The following FRMD5 variants were observed in gnomAD, a reference collection of about 807,000 sequenced individuals.
The protein encoded by FRMD5 is FERM domain containing 5.
In FRMD5, 20 loss-of-function variants were observed where a neutral mutation model predicts 69.0. The ratio of observed to expected loss-of-function variants is 0.29; its 90% CI spans 0.20 to 0.42. The LOEUF is 0.42. Ranked by LOEUF, FRMD5 falls within the 10% of genes least tolerant of loss-of-function variation. FRMD5 has a pLI of 1.00. For missense variants in FRMD5, 595 were observed against 708.6 expected (o/e 0.84, Z 1.82); for synonymous variants, 271 against 260.1 (o/e 1.04, Z -0.40).
chr15:43,901,871 T>TG (rs2089053655), intron 7 of FRMD5: 7 of 345,856 alleles, frequency 2.0e-5, no homozygotes, highest in African/African-American at 4.3e-5. Flanking sequence ...TCGTTCTCTG[T>TG]GGGGGGCCTT....
chr15:43,987,621 C>T (rs1889459337), intron 1 of FRMD5, among the ~76,000 whole-genome samples: 1 of 152,136 alleles, frequency 6.6e-6, no homozygotes, highest in South Asian at 2.1e-4. Context: ...GTGATCTTGG[C>T]TCACTGTAAC....
intron 1 of FRMD5, among the ~76,000 whole-genome samples, chr15:44,148,768 T>G (rs1020556760): frequency 6.6e-6 from 1 of 152,184 alleles, no homozygotes; most frequent in African/African-American, 2.4e-5. Context: ...TAAACATAAC[T>G]CTTTTATGCA....
intron 1 of FRMD5, among the ~76,000 whole-genome samples, chr15:43,978,964 T>A (rs908695227): frequency 5.3e-5 from 8 of 152,200 alleles, no homozygotes; most frequent in African/African-American, 1.9e-4. Context: ...CAAAATACTG[T>A]CTCCTAAATC....
intron 1 of FRMD5, among the ~76,000 whole-genome samples, chr15:43,945,358 T>A (rs532771744): frequency 3.9e-5 from 6 of 152,288 alleles, no homozygotes; most frequent in East Asian, 1.9e-4. Flanking sequence ...TCATTTTTTT[T>A]AAATAAAAAA....
At chr15:43,960,945 A>C (rs1413497401) in intron 1 of FRMD5, among the ~76,000 whole-genome samples, 1 of 152,234 alleles carries the variant, frequency 6.6e-6, no homozygotes, top group East Asian at 1.9e-4. Flanking sequence ...TGTGAAGAGA[A>C]AGCAGGAAAG....
chr15:44,001,440 G>C (rs1477779360), intron 1 of FRMD5, among the ~76,000 whole-genome samples: 1 of 151,758 alleles, frequency 6.6e-6, no homozygotes, highest in African/African-American at 2.4e-5. Flanking sequence ...TGCTTTTGTT[G>C]CCTGTGTTTT....
intron 1 of FRMD5, among the ~76,000 whole-genome samples, chr15:44,128,347 G>A (rs1190661690): frequency 3.3e-5 from 5 of 152,188 alleles, no homozygotes; most frequent in African/African-American, 4.8e-5. Flanking sequence ...GGGCGTGGTG[G>A]CGCAGGCCTG....
chr15:44,111,851 T>TC (rs1432133344), intron 1 of FRMD5, among the ~76,000 whole-genome samples: 2 of 150,746 alleles, frequency 1.3e-5, no homozygotes, highest in African/African-American at 4.9e-5. Context: ...TTCTCTCTTT[T>TC]CCTTTTTTTT....
chr15:44,008,543 G>C (rs1450924843), intron 1 of FRMD5, among the ~76,000 whole-genome samples: 1 of 152,014 alleles, frequency 6.6e-6, no homozygotes, highest in African/African-American at 2.4e-5. Flanking sequence ...TGGGATTACA[G>C]GCATGAACCA....
At chr15:43,933,742 T>G (rs996491264) in intron 1 of FRMD5, among the ~76,000 whole-genome samples, 15 of 152,218 alleles carry the variant, frequency 9.9e-5, no homozygotes, top group African/African-American at 3.4e-4. Flanking sequence ...AATTCTGCCT[T>G]TCATGACAGT....
intron 1 of FRMD5, 98 bp from the exon 2 acceptor site, chr15:43,924,407 T>C (rs998150027): frequency 3.8e-6 from 3 of 799,512 alleles, no homozygotes; most frequent in African/African-American, 3.5e-5. Flanking sequence ...AACTGTTGCA[T>C]GTGTCTATGA....
chr15:43,901,457 G>A (rs576327438), intron 7 of FRMD5, among the ~76,000 whole-genome samples: 4 of 152,288 alleles, frequency 2.6e-5, no homozygotes, highest in African/African-American at 7.2e-5. Context: ...TTTTACTGGT[G>A]ATACTGGACC....
At chr15:44,123,797 T>C (rs1226107773) in intron 1 of FRMD5, among the ~76,000 whole-genome samples, 4 of 152,112 alleles carry the variant, frequency 2.6e-5, no homozygotes, top group Admixed American at 1.3e-4. Context: ...GAAAATACAA[T>C]GTTAGAAATT....
At chr15:44,182,164 C>T (rs575289170) in intron 1 of FRMD5, among the ~76,000 whole-genome samples, 57 of 151,138 alleles carry the variant, frequency 3.8e-4, no homozygotes, top group Non-Finnish European at 7.2e-4. Flanking sequence ...GTGTGCGCCA[C>T]CATGCCTGGC....
At chr15:44,041,945 G>A (rs951023897) in intron 1 of FRMD5, among the ~76,000 whole-genome samples, 6 of 152,042 alleles carry the variant, frequency 3.9e-5, no homozygotes, top group East Asian at 1.9e-4. Context: ...CAGAACTGAG[G>A]GAGATAGAGA....
At chr15:43,895,075 C>T (rs189245311) in intron 7 of FRMD5, among the ~76,000 whole-genome samples, 1 of 152,290 alleles carries the variant, frequency 6.6e-6, no homozygotes, top group East Asian at 1.9e-4. Flanking sequence ...TGAGCCACCA[C>T]ACCCGGCCTG....
intron 1 of FRMD5, among the ~76,000 whole-genome samples, chr15:44,068,028 A>T (rs1893383024): frequency 6.6e-6 from 1 of 152,226 alleles, no homozygotes; most frequent in Admixed American, 6.5e-5. Context: ...AAACACAGTG[A>T]ACTATTCCTT....
intron 1 of FRMD5, among the ~76,000 whole-genome samples, chr15:43,972,241 T>C (rs1163331843): frequency 6.6e-6 from 1 of 151,888 alleles, no homozygotes; most frequent in African/African-American, 2.4e-5. Flanking sequence ...ATCTCTCTCT[T>C]ATCCCCTCCT....
At chr15:44,156,796 T>G (rs1164638511) in intron 1 of FRMD5, among the ~76,000 whole-genome samples, 1 of 152,140 alleles carries the variant, frequency 6.6e-6, no homozygotes, top group African/African-American at 2.4e-5. Context: ...TCTTTTTAAT[T>G]GTCTCTTCTA....
Sources: gnomAD v4.1 joint callset for allele counts (sites outside exome capture counted in the v4.1 genomes callset) on GRCh38, gnomAD v4.1.1 for gene constraint, MANE v1.5 for transcripts, NCBI Gene and HGNC (gene_info 2026-07-23, HGNC 2026-07-21) for gene names.